GRIN2D: variants seen among roughly 807,000 people sequenced by gnomAD.
GRIN2D encodes glutamate ionotropic receptor NMDA type subunit 2D.
Under a neutral mutation model 103.2 loss-of-function variants are expected in GRIN2D, and 37 were observed. The ratio of observed to expected loss-of-function variants is 0.36; its 90% CI spans 0.28 to 0.47. GRIN2D has a LOEUF of 0.47. GRIN2D is among the 20% of genes least tolerant of loss of function. The pLI is 1.00. For missense variants in GRIN2D, 1,557 were observed against 1,910.6 expected, an observed-to-expected ratio of 0.81 and a Z score of 3.45; for synonymous variants, 845 against 885.6, an observed-to-expected ratio of 0.95 and a Z score of 0.81.
At position 48,405,941 on chromosome 19, in the gene GRIN2D, G is replaced by C. The variant is rs952289828; in HGVS notation, c.1085+588G>C. On this transcript the variant is annotated intron_variant, in intron 4 of 13. Coordinates refer to ENST00000263269, the MANE Select transcript of GRIN2D (RefSeq NM_000836.4). The surrounding 1 kb of genome is among the most constrained non-coding windows in gnomAD (Gnocchi z 5.1). ...GTCTGAATTGTAGCTCATGAGAAGG[G>C]GAAAAGAGAGGAAGTGGACAGCAAG... Among the ~76,000 whole-genome samples the C allele has an allele frequency of 6.6e-6, 1 of 152,122 alleles. No individual in the cohort carries two copies. Among genetic ancestry groups the C allele is most frequent in the Non-Finnish European group, 1.5e-5 (1 of 68,030 alleles).
In GRIN2D at chr19:48,414,019, C is replaced by T. The variant is rs1463177590; in HGVS notation, c.1114C>T (p.Arg372Trp). The T allele has an allele frequency of 1.2e-6, 2 of 1,610,858 alleles. No individual in the cohort carries two copies. Among genetic ancestry groups the T allele is most frequent in the Non-Finnish European group, 1.7e-6 (2 of 1,177,202 alleles). Reference sequence around the variant, plus strand: ...CTTCATGAACATCACGTGGGATAACCGGGATTACTCCTTCAATGAGGACGG... The same window carrying T: ...CTTCATGAACATCACGTGGGATAACTGGGATTACTCCTTCAATGAGGACGG... Reference protein sequence around the residue: ...RYFMNITWDNRDYSFNEDGFL... With the variant: ...RYFMNITWDNWDYSFNEDGFL... Residue 372 changes from arginine (R) to tryptophan (W), a missense_variant, in exon 5 of 14, where the codon CGG (arginine) becomes TGG (tryptophan). Transcript: ENST00000263269. This position sits in a 1 kb window ranked among gnomAD's most constrained non-coding sequence, Gnocchi z 4.6.
chr19:48,411,379 T>G (rs1970858730), intron 4 of GRIN2D, among the ~76,000 whole-genome samples: 1 of 149,930 alleles, frequency 6.7e-6, no homozygotes. Context: ...AGGCCGGCAG[T>G]GGTGGCTCAC....
chr19:48,401,432 C>G (rs62132014), intron 3 of GRIN2D, among the ~76,000 whole-genome samples: 26,484 of 152,078 alleles, frequency 0.17, 2,555 homozygotes, highest in East Asian at 0.27. Context: ...GGGAGGCCTC[C>G]CTGAGGCGGT....
At position 48,442,801 on chromosome 19, in the gene GRIN2D, G is replaced by A. The variant is rs1971316170; in HGVS notation, c.2875G>A (p.Asp959Asn). The A allele has an allele frequency of 9.3e-7, 1 of 1,071,302 alleles. No individual in the cohort carries two copies. The highest frequency in any genetic ancestry group is 1.1e-6 in the Non-Finnish European group (1 of 886,950). The allele number at this position is 1,071,302 out of a possible 1,614,324, so 66.4% of individuals were successfully genotyped here. A position where few individuals can be genotyped will look rare whatever the true frequency, so the allele number is the denominator to read the frequency against. Residue 959 changes from aspartate (D) to asparagine (N), a missense_variant, in exon 14 of 14, where the codon GAC (aspartate) becomes AAC (asparagine). By Grantham distance (23) the Asp-to-Asn change is conservative. Around this residue, in one of 7 missense-constraint regions of GRIN2D, gnomAD observed 632 missense variants for 572.8 expected, o/e 1.10. Coordinates refer to ENST00000263269, the MANE Select transcript of GRIN2D (RefSeq NM_000836.4). This position sits in a 1 kb window ranked among gnomAD's most constrained non-coding sequence, Gnocchi z 7.2. The part of the protein sequence containing the change: ...AGPPGGAGLA[D>N]GFHRYYGPIE... ...GCCGCCGGGGGGCGCGGGCCTGGCC[G>A]ACGGCTTCCACCGCTACTACGGCCC...
Position 48,442,666 on chromosome 19 carries a change from C to T in GRIN2D, c.2740C>T (p.Pro914Ser). 2 of 1,425,566 alleles carry T rather than the reference C, an allele frequency of 1.4e-6. No individual in the cohort carries two copies. The highest frequency in any genetic ancestry group is 2.6e-5 in the Admixed American group (1 of 38,456). 88.3% of individuals were successfully genotyped at this position (1,425,566 alleles called of 1,614,324 possible). ...CGCCAAGCCCCCGCCGCCGCCACAG[C>T]CCCTGCCCAGCCCCGCGTACCCCGC... ...PPAKPPPPPQPLPSPAYPAPR... is the reference protein window; with the variant it reads ...PPAKPPPPPQSLPSPAYPAPR... Residue 914 changes from proline (P) to serine (S), a missense_variant, in exon 14 of 14, where the codon CCC (proline) becomes TCC (serine). By Grantham distance (74) the Pro-to-Ser change is moderately conservative (BLOSUM62 -1). Transcript: ENST00000263269. This position sits in a 1 kb window ranked among gnomAD's most constrained non-coding sequence, Gnocchi z 7.2.
At chr19:48,412,421 A>AAAAGAAAGAAAGAAAGAGAAAGAAAAG (rs1970876050) in intron 4 of GRIN2D, among the ~76,000 whole-genome samples, 2 of 123,436 alleles carry the variant, frequency 1.6e-5, no homozygotes, top group East Asian at 2.4e-4. Flanking sequence ...AAAGAGAAAG[A>AAAAGAAAGAAAGAAAGAGAAAGAAAAG]AAAGAAAGAA....
Position 48,421,644 on chromosome 19 carries a change from T to C in GRIN2D, c.2092-141T>C. The stretch of plus-strand genomic sequence containing the variant: ...GTGGGAGTGGAAAAGCATTCCCTAA[T>C]GTAGTGAGCGAGTGTTGAGAAATAT... On this transcript the variant is annotated intron_variant, in intron 10 of 13. Coordinates refer to ENST00000263269, the MANE Select transcript of GRIN2D (RefSeq NM_000836.4). This position sits in a 1 kb window ranked among gnomAD's most constrained non-coding sequence, Gnocchi z 4.8. The C allele has an allele frequency of 1.5e-6, 1 of 674,514 alleles. No individual in the cohort carries two copies. The highest frequency in any genetic ancestry group is 2.6e-6 in the Non-Finnish European group (1 of 385,054). 41.8% of individuals were successfully genotyped at this position (674,514 alleles called of 1,614,324 possible).
chr19:48,399,983 C>A (rs1344884282), intron 3 of GRIN2D, among the ~76,000 whole-genome samples: 2 of 152,032 alleles, frequency 1.3e-5, no homozygotes, highest in East Asian at 1.9e-4. Context: ...GCATACCCCG[C>A]TGTGAGGTGT....
intron 4 of GRIN2D, among the ~76,000 whole-genome samples, chr19:48,406,821 G>A (rs1654669): frequency 0.29 from 43,586 of 151,930 alleles, 8,168 homozygotes; most frequent in African/African-American, 0.53. Flanking sequence ...GATGCATGAA[G>A]CAGAGTCTCA....
At position 48,414,387 on chromosome 19, in the gene GRIN2D, G is replaced by T; in HGVS notation, c.1215G>T (p.Glu405Asp). The change falls in exon 6 of 14, where the codon GAG becomes GAT. Residue 405 changes from glutamate (E) to aspartate (D), a missense_variant. Around this residue, in one of 7 missense-constraint regions of GRIN2D, gnomAD observed 490 missense variants for 601.1 expected, o/e 0.82. Transcript: ENST00000263269. This position sits in a 1 kb window ranked among gnomAD's most constrained non-coding sequence, Gnocchi z 4.6. ...CTTTGGCCAAGGTGGGCAGCTGGGA[G>T]CAGCAGACGCTCCGCCTCAAGTACC... ...DRTWEVVGSWEQQTLRLKYPL... is the reference protein window; with the variant it reads ...DRTWEVVGSWDQQTLRLKYPL... 2 of 1,606,452 alleles carry T rather than the reference G, an allele frequency of 1.2e-6. No individual in the cohort carries two copies. The highest frequency in any genetic ancestry group is 1.1e-5 in the South Asian group (1 of 89,748).
chr19:48,395,208 C>T (rs964783872), intron 2 of GRIN2D, among the ~76,000 whole-genome samples: 1 of 151,912 alleles, frequency 6.6e-6, no homozygotes, highest in African/African-American at 2.4e-5. Context: ...CCCCACATAC[C>T]TGATGCCCCA....
At position 48,393,914 on chromosome 19, in the gene GRIN2D, G is replaced by T. The variant is rs528036869; in HGVS notation, c.-306+46G>T. Among the ~76,000 whole-genome samples the T allele has an allele frequency of 6.6e-6, 1 of 152,060 alleles. No homozygotes were observed. The highest frequency in any genetic ancestry group is 6.5e-5 in the Admixed American group (1 of 15,272). ...GTGTCTGGGGCTGGCTGGTGGAGGG[G>T]GGGTGTGTCTGTAAGCGCTGCGGCG... On this transcript the variant is annotated intron_variant, in intron 1 of 13. Transcript: ENST00000263269. This position sits in a 1 kb window ranked among gnomAD's most constrained non-coding sequence, Gnocchi z 5.6.
intron 4 of GRIN2D, among the ~76,000 whole-genome samples, chr19:48,406,926 T>G (rs1239420080): frequency 3.9e-5 from 6 of 152,150 alleles, no homozygotes; most frequent in Non-Finnish European, 8.8e-5. Flanking sequence ...GGCCAGCTAC[T>G]CTTTCAGCTC....
Position 48,398,692 on chromosome 19 carries a change from G to A in GRIN2D, c.300G>A (p.Val100=). The change falls in exon 3 of 14, where the codon GTG becomes GTA. Residue 100 remains valine (V), a synonymous_variant. Coordinates refer to ENST00000263269, the MANE Select transcript of GRIN2D (RefSeq NM_000836.4). ...VLNGSDPRSL[V]LQLCDLLSGL... ...ACGGCTCGGACCCGCGCAGCCTCGT[G>A]CTGCAGCTCTGCGACCTGCTGTCGG... The A allele has an allele frequency of 6.8e-7, 1 of 1,463,368 alleles. No individual in the cohort carries two copies. The highest frequency in any genetic ancestry group is 9.0e-7 in the Non-Finnish European group (1 of 1,112,306). 90.6% of individuals were successfully genotyped at this position (1,463,368 alleles called of 1,614,324 possible). A position where few individuals can be genotyped will look rare whatever the true frequency, so the allele number is the denominator to read the frequency against.
At chr19:48,397,011 G>A (rs10412291) in intron 2 of GRIN2D, among the ~76,000 whole-genome samples, 7,982 of 152,202 alleles carry the variant, frequency 0.052, 247 homozygotes, top group Middle Eastern at 0.099. Context: ...CAGGCGGCTA[G>A]TATTCAACAG....
Position 48,399,498 on chromosome 19 carries a change from G to A in GRIN2D, c.465+641G>A, listed in dbSNP as rs148669634. Among the ~76,000 whole-genome samples, 340 of 152,322 alleles carry A rather than the reference G, an allele frequency of 2.2e-3. 4 individuals are homozygous for A. Among genetic ancestry groups the A allele is most frequent in the African/African-American group, 7.9e-3 (330 of 41,570 alleles). On this transcript the variant is annotated intron_variant, in intron 3 of 13. Coordinates refer to ENST00000263269, the MANE Select transcript of GRIN2D (RefSeq NM_000836.4). ...CAAGAGAATTGCTTGAATCCGGGAG[G>A]CGGAGGCTGCGGTGAGCCGAGATCG...
intron 8 of GRIN2D, among the ~76,000 whole-genome samples, chr19:48,417,956 G>A (rs1208567217): frequency 6.6e-6 from 1 of 152,132 alleles, no homozygotes; most frequent in Non-Finnish European, 1.5e-5. Flanking sequence ...TAATGGACAG[G>A]GCAGGGTGTT....
rs762817994 is a variant in GRIN2D at position 48,419,832 on chromosome 19, G to C, written c.2091+18G>C. The C allele has an allele frequency of 4.4e-6, 7 of 1,581,364 alleles. No homozygotes were observed. Among genetic ancestry groups the C allele is most frequent in the Admixed American group, 1.7e-5 (1 of 59,532 alleles). ...ACCGCAAGGTGTGTGTGGGCCCAGG[G>C]CTGGGCTGGAGCTGGGGCTGGGGCT... On this transcript the variant is annotated intron_variant, in intron 10 of 13. Coordinates refer to ENST00000263269, the MANE Select transcript of GRIN2D (RefSeq NM_000836.4).
In GRIN2D at chr19:48,442,026, A is replaced by G. The variant is rs1346111915; in HGVS notation, c.2440+70A>G. 2.0e-6 allele frequency: 3 copies of G among 1,525,032 alleles called. No individual in the cohort carries two copies. Among genetic ancestry groups the G allele is most frequent in the Non-Finnish European group, 2.7e-6 (3 of 1,119,916 alleles). 94.5% of individuals were successfully genotyped at this position (1,525,032 alleles called of 1,614,324 possible). ...GAGGCCCCTGGGTTCCGGGGAAGAA[A>G]GGGACAAAGACCCGGACACCAGGGT... is the stretch of plus-strand genomic sequence containing the variant. On this transcript the variant is annotated intron_variant, in intron 12 of 13. Coordinates refer to ENST00000263269, the MANE Select transcript of GRIN2D (RefSeq NM_000836.4). This position sits in a 1 kb window ranked among gnomAD's most constrained non-coding sequence, Gnocchi z 7.2.
Sources: gnomAD v4.1 joint callset for allele counts (sites outside exome capture counted in the v4.1 genomes callset) on GRCh38, gnomAD v4.1.1 for gene constraint, gnomAD v4.1.1 regional missense constraint, Gnocchi (gnomAD v3.1) non-coding constraint, MANE v1.5 for transcripts, NCBI Gene and HGNC (gene_info 2026-07-23, HGNC 2026-07-21) for gene names.